HS3ST3A1: variants seen among roughly 807,000 people sequenced by gnomAD.
HS3ST3A1 encodes the protein heparan sulfate glucosamine 3-O-sulfotransferase 3A1.
HS3ST3A1 carries 19 observed loss-of-function variants against 25.7 expected under a neutral mutation model. That is an observed-to-expected ratio of 0.74 (90% CI 0.52 to 1.08). The LOEUF is 1.08. HS3ST3A1 is among the 50% of genes least tolerant of loss of function. The pLI, the probability that HS3ST3A1 is intolerant of heterozygous loss-of-function variation, is 0.00. For missense variants in HS3ST3A1, 459 were observed against 594.3 expected (o/e 0.77, Z 2.37); for synonymous variants, 226 against 278.6 (o/e 0.81, Z 1.88).
intron 1 of HS3ST3A1, among the ~76,000 whole-genome samples, chr17:13,541,326 T>C (rs1158569880): frequency 6.6e-6 from 1 of 152,244 alleles, no homozygotes. Context: ...TACTTTGGAC[T>C]CTTAATCCAT....
At chr17:13,518,841 C>A (rs1906135210) in intron 1 of HS3ST3A1, among the ~76,000 whole-genome samples, 1 of 152,174 alleles carries the variant, frequency 6.6e-6, no homozygotes, top group South Asian at 2.1e-4. Context: ...CTGGTCGACC[C>A]ACAGCTGACC....
intron 1 of HS3ST3A1, among the ~76,000 whole-genome samples, chr17:13,592,345 G>A (rs1908449080): frequency 6.6e-6 from 1 of 152,112 alleles, no homozygotes; most frequent in Admixed American, 6.5e-5. Flanking sequence ...AGATCATTCC[G>A]CATCATCCAG....
intron 1 of HS3ST3A1, among the ~76,000 whole-genome samples, chr17:13,509,585 C>CGAGA (rs201577250): frequency 1.3e-5 from 2 of 151,282 alleles, no homozygotes; most frequent in Non-Finnish European, 2.9e-5. Context: ...TATTTGTGTG[C>CGAGA]GAGAGAGAGA....
chr17:13,517,742 C>T (rs1906101745), intron 1 of HS3ST3A1, among the ~76,000 whole-genome samples: 1 of 152,100 alleles, frequency 6.6e-6, no homozygotes, highest in African/African-American at 2.4e-5. Flanking sequence ...ACCTCCGCCT[C>T]CCAGGTTCAA....
intron 1 of HS3ST3A1, among the ~76,000 whole-genome samples, chr17:13,594,615 C>T (rs1908523824): frequency 6.6e-6 from 1 of 152,094 alleles, no homozygotes; most frequent in Non-Finnish European, 1.5e-5. Flanking sequence ...CAAAAGTAAT[C>T]TGGGGCATAT....
At position 13,494,453 on chromosome 17, in the gene HS3ST3A1, T is replaced by A. The variant is rs1905217417; in HGVS notation, c.*1744A>T. Among the ~76,000 whole-genome samples, 1 of 152,226 alleles carries A rather than the reference T, an allele frequency of 6.6e-6. No individual in the cohort carries two copies. Among genetic ancestry groups the A allele is most frequent in the Non-Finnish European group, 1.5e-5 (1 of 68,036 alleles). Reference sequence around the variant, plus strand: ...TTAAGCTTCTCAAGAAATATTTACATCACCTAATGCAGCAGCTATGGTAAA... The same window carrying A: ...TTAAGCTTCTCAAGAAATATTTACAACACCTAATGCAGCAGCTATGGTAAA... On this transcript the variant is annotated 3_prime_UTR_variant, in exon 2 of 2. Coordinates refer to ENST00000284110, the MANE Select transcript of HS3ST3A1 (RefSeq NM_006042.3).
intron 1 of HS3ST3A1, among the ~76,000 whole-genome samples, chr17:13,598,465 A>G: frequency 6.6e-6 from 1 of 152,202 alleles, no homozygotes; most frequent in Middle Eastern, 3.2e-3. Flanking sequence ...ACCACTGCAA[A>G]TGGGAAAACA....
rs375220502 is a variant in HS3ST3A1 at position 13,494,380 on chromosome 17, C to T, written c.*1817G>A. Among the ~76,000 whole-genome samples the T allele has an allele frequency of 3.4e-4, 52 of 152,276 alleles. 1 individual carries two copies. Among genetic ancestry groups the T allele is most frequent in the Admixed American group, 9.8e-4 (15 of 15,294 alleles). ...TAAATCCAAAGATTTGGAGCAATGA[C>T]AAAATATCTAACACTTAAAATATTT... On this transcript the variant is annotated 3_prime_UTR_variant, in exon 2 of 2. Coordinates refer to ENST00000284110, the MANE Select transcript of HS3ST3A1 (RefSeq NM_006042.3).
chr17:13,584,422 C>T (rs896934720), intron 1 of HS3ST3A1, among the ~76,000 whole-genome samples: 4 of 119,538 alleles, frequency 3.3e-5, no homozygotes, highest in African/African-American at 9.4e-5. Flanking sequence ...CCTGCAATTT[C>T]CAAAAAAAAA....
chr17:13,600,837 C>A lies in HS3ST3A1; in HGVS notation c.293G>T (p.Arg98Met). 7.0e-7 allele frequency: 1 copy of A among 1,422,506 alleles called. No individual in the cohort carries two copies. 88.1% of individuals were successfully genotyped at this position (1,422,506 alleles called of 1,614,324 possible). The change falls in exon 1 of 2, where the codon AGG (arginine) becomes ATG (methionine). Residue 98 changes from arginine to methionine, a missense_variant. By Grantham distance (91) the Arg-to-Met change is moderately conservative. Coordinates refer to ENST00000284110, the MANE Select transcript of HS3ST3A1 (RefSeq NM_006042.3). Reference sequence around the variant, plus strand: ...GTCGCGGGGCGCGGGCGGCCGGCGCCTCCGCCACTGCGGCAGTTGCAGGAG... The same window carrying A: ...GTCGCGGGGCGCGGGCGGCCGGCGCATCCGCCACTGCGGCAGTTGCAGGAG... ...KRLLQLPQWRRRRPPAPRDDG... is the reference protein window; with the variant it reads ...KRLLQLPQWRMRRPPAPRDDG...
At chr17:13,585,927 G>A (rs1196191505) in intron 1 of HS3ST3A1, among the ~76,000 whole-genome samples, 3 of 133,842 alleles carry the variant, frequency 2.2e-5, no homozygotes, top group Non-Finnish European at 4.6e-5. Flanking sequence ...TCGGCTCACT[G>A]CAACCTCTGC....
At chr17:13,598,046 T>G (rs1475433956) in intron 1 of HS3ST3A1, among the ~76,000 whole-genome samples, 1 of 152,342 alleles carries the variant, frequency 6.6e-6, no homozygotes, top group African/African-American at 2.4e-5. Flanking sequence ...ATATAGGTTT[T>G]TCTCTTCCAT....
At chr17:13,532,228 T>A (rs1359388632) in intron 1 of HS3ST3A1, among the ~76,000 whole-genome samples, 1 of 152,092 alleles carries the variant, frequency 6.6e-6, no homozygotes, top group African/African-American at 2.4e-5. Flanking sequence ...TACACATCTC[T>A]TATGCCCTCC....
At chr17:13,501,945 T>C (rs1905490693) in intron 1 of HS3ST3A1, among the ~76,000 whole-genome samples, 1 of 152,204 alleles carries the variant, frequency 6.6e-6, no homozygotes, top group African/African-American at 2.4e-5. Flanking sequence ...AGAGCCTAGC[T>C]TATTATCTTA....
At chr17:13,595,797 G>A (rs1355817352) in intron 1 of HS3ST3A1, among the ~76,000 whole-genome samples, 1 of 152,160 alleles carries the variant, frequency 6.6e-6, no homozygotes, top group Admixed American at 6.5e-5. Context: ...GATGGTGATT[G>A]CAATTTGCAA....
At chr17:13,531,225 A>C (rs1217832832) in intron 1 of HS3ST3A1, among the ~76,000 whole-genome samples, 1 of 152,228 alleles carries the variant, frequency 6.6e-6, no homozygotes, top group Non-Finnish European at 1.5e-5. Context: ...CCAACTCTTA[A>C]AACATGTCCA....
At chr17:13,519,271 G>A (rs565461582) in intron 1 of HS3ST3A1, among the ~76,000 whole-genome samples, 2 of 152,316 alleles carry the variant, frequency 1.3e-5, no homozygotes, top group African/African-American at 4.8e-5. Flanking sequence ...AGTCTGAATG[G>A]TTACAGAACT....
At chr17:13,541,604 T>C (rs1906934714) in intron 1 of HS3ST3A1, among the ~76,000 whole-genome samples, 1 of 152,250 alleles carries the variant, frequency 6.6e-6, no homozygotes, top group Admixed American at 6.5e-5. Flanking sequence ...TCAGTACTGC[T>C]GAAGAGTCAG....
At chr17:13,570,550 G>A (rs1046047580) in intron 1 of HS3ST3A1, among the ~76,000 whole-genome samples, 5 of 152,184 alleles carry the variant, frequency 3.3e-5, no homozygotes, top group Non-Finnish European at 5.9e-5. Flanking sequence ...CACAATCACA[G>A]CTCAGTGTAG....
Sources: allele counts gnomAD v4.1 joint callset (sites outside exome capture counted in the v4.1 genomes callset), GRCh38; gene constraint gnomAD v4.1.1; transcripts MANE v1.5; gene names NCBI Gene and HGNC (gene_info 2026-07-23, HGNC 2026-07-21).